PREX1: variants seen among roughly 807,000 people sequenced by gnomAD.
PREX1 encodes the protein phosphatidylinositol-3,4,5-trisphosphate dependent Rac exchange factor 1.
PREX1 carries 41 observed loss-of-function variants against 198.3 expected under a neutral mutation model. That is an observed-to-expected ratio of 0.21 (90% CI 0.16 to 0.27). The LOEUF is 0.27. Among genes scored for constraint, PREX1 ranks in the 10% least tolerant of loss-of-function variants. The probability of loss-of-function intolerance (pLI) is 1.00; values close to 1 mark genes in which losing one functional copy is unlikely to be tolerated. For synonymous variants in PREX1, 843 were observed against 887.2 expected (o/e 0.95, Z 0.89); for missense variants, 1,620 against 2,200.7 (o/e 0.74, Z 5.28).
rs1331847943 is a variant in PREX1, at chr20:48,627,821, G to A, written c.4869+40C>T. ...TGGCTGCAAGCATGCCACGCCCTCA[G>A]CCCAGGGTGCTGGAGGACCCTGTGG... On this transcript the variant is annotated intron_variant, in intron 38 of 39. Coordinates refer to ENST00000371941, the MANE Select transcript of PREX1 (RefSeq NM_020820.4). 5 of 1,577,432 alleles carry A rather than the reference G, an allele frequency of 3.2e-6. No individual in the cohort carries two copies. In the East Asian group the frequency reaches 6.8e-5, roughly 21 times the overall value.
intron 7 of PREX1, among the ~76,000 whole-genome samples, chr20:48,700,464 T>C (rs992840606): frequency 6.6e-6 from 1 of 152,230 alleles, no homozygotes; most frequent in Non-Finnish European, 1.5e-5. Flanking sequence ...AATAATTACA[T>C]GTATAATTAT....
At chr20:48,763,518 T>C (rs1360807212) in intron 1 of PREX1, among the ~76,000 whole-genome samples, 1 of 152,218 alleles carries the variant, frequency 6.6e-6, no homozygotes, top group African/African-American at 2.4e-5. Context: ...GGCTGACACT[T>C]GACATCTGAA....
intron 1 of PREX1, among the ~76,000 whole-genome samples, chr20:48,795,324 C>T (rs1435705033): frequency 1.3e-5 from 2 of 152,116 alleles, no homozygotes; most frequent in Admixed American, 6.5e-5. Context: ...ATGACCTTGC[C>T]CACATACAGA....
chr20:48,695,738 T>C (rs1169642019), intron 7 of PREX1, among the ~76,000 whole-genome samples: 5 of 152,258 alleles, frequency 3.3e-5, no homozygotes, highest in Non-Finnish European at 5.9e-5. Context: ...TTGTCACTTT[T>C]TGTTGAACTG....
intron 5 of PREX1, among the ~76,000 whole-genome samples, chr20:48,714,215 T>TA (rs1363903943): frequency 6.6e-6 from 1 of 151,900 alleles, no homozygotes; most frequent in Non-Finnish European, 1.5e-5. Context: ...ACAAGCAACT[T>TA]AAAAAAAATA....
intron 29 of PREX1, among the ~76,000 whole-genome samples, chr20:48,641,253 T>C (rs1601035647): frequency 6.6e-6 from 1 of 152,204 alleles, no homozygotes; most frequent in Non-Finnish European, 1.5e-5. Context: ...CTCTCTTAAA[T>C]GAAGAACAAA....
At chr20:48,850,866 G>A in the PREX1 span, among the ~76,000 whole-genome samples, 1 of 152,114 alleles carries the variant, frequency 6.6e-6, no homozygotes, top group African/African-American at 2.4e-5. Flanking sequence ...TCTAAATTAG[G>A]GGTTGACAAA....
At chr20:48,676,356 A>C in intron 13 of PREX1, 88 bp from the exon 14 acceptor site, 5 of 1,256,438 alleles carry the variant, frequency 4.0e-6, no homozygotes, top group South Asian at 2.4e-5. Flanking sequence ...GGACGTGCCC[A>C]CGAGTCAAGG....
chr20:48,638,332 C>T (rs6019338), intron 30 of PREX1, among the ~76,000 whole-genome samples: 2,051 of 152,246 alleles, frequency 0.013, 51 homozygotes, highest in African/African-American at 0.047. Flanking sequence ...AACAGACACA[C>T]GAGTGCACAC....
chr20:48,723,614 C>T (rs565719699), intron 5 of PREX1, among the ~76,000 whole-genome samples: 139 of 152,312 alleles, frequency 9.1e-4, no homozygotes, highest in African/African-American at 2.6e-3. Flanking sequence ...CCCGACGGAG[C>T]GCAAGTGGGC....
chr20:48,743,773 T>C lies in PREX1; in HGVS notation c.414+1252A>G, dbSNP rs2090093447. 2.0e-5 allele frequency among the ~76,000 whole-genome samples: 3 copies of C among 152,196 alleles called. No homozygotes were observed. The South Asian group carries it at 6.2e-4, about 32-fold the overall frequency. ...AGTCAACTTGCTGAGAGGACCACAG[T>C]TCATGAGTGGCTCAGCAGCCTGGCC... On this transcript the variant is annotated intron_variant, in intron 3 of 39. Transcript: ENST00000371941.
chr20:48,657,463 C>A (rs1023890444), intron 17 of PREX1, among the ~76,000 whole-genome samples: 6 of 152,206 alleles, frequency 3.9e-5, no homozygotes, highest in Non-Finnish European at 8.8e-5. Context: ...TGTGTGGGGA[C>A]ACGAGGGTCA....
chr20:48,652,966 C>T (rs1459803576), intron 20 of PREX1, among the ~76,000 whole-genome samples: 1 of 152,116 alleles, frequency 6.6e-6, no homozygotes, highest in African/African-American at 2.4e-5. Context: ...AGCAGGTGCC[C>T]AACACACACA....
chr20:48,670,129 G>A (rs183462033), intron 14 of PREX1, among the ~76,000 whole-genome samples: 87 of 152,324 alleles, frequency 5.7e-4, no homozygotes, highest in African/African-American at 2.1e-3. Flanking sequence ...ACTGCTCAGA[G>A]CTGGACACCC....
chr20:48,649,167 C>T (rs1601042921), intron 25 of PREX1, 133 bp downstream of exon 25: 2 of 1,295,908 alleles, frequency 1.5e-6, no homozygotes, highest in Non-Finnish European at 1.0e-6. Flanking sequence ...GAAAAAGATA[C>T]TGCTAAATAG....
At chr20:48,673,235 T>C (rs2089687976) in intron 14 of PREX1, among the ~76,000 whole-genome samples, 1 of 152,118 alleles carries the variant, frequency 6.6e-6, no homozygotes, top group Admixed American at 6.5e-5. Flanking sequence ...AAGGAGAAAG[T>C]CATTTTCCCC....
At chr20:48,626,452 A>G (rs1201811906) in intron 39 of PREX1, among the ~76,000 whole-genome samples, 1 of 152,248 alleles carries the variant, frequency 6.6e-6, no homozygotes, top group Non-Finnish European at 1.5e-5. Flanking sequence ...TAGCTGTGTG[A>G]CATTGGACAA....
At chr20:48,629,757 G>A (rs1452081172) in intron 36 of PREX1, 136 bp from the exon 37 acceptor site, 3 of 929,020 alleles carry the variant, frequency 3.2e-6, no homozygotes, top group Admixed American at 4.9e-5. Flanking sequence ...CACCCCTCTG[G>A]GGATAACAAT....
At chr20:48,843,948 C>G in the PREX1 span, among the ~76,000 whole-genome samples, 4 of 152,028 alleles carry the variant, frequency 2.6e-5, no homozygotes, top group Non-Finnish European at 5.9e-5. Flanking sequence ...AGTTCAAGAC[C>G]AGCCTGGGCA....
Sources: gnomAD v4.1 joint callset for allele counts (sites outside exome capture counted in the v4.1 genomes callset) on GRCh38, gnomAD v4.1.1 for gene constraint, MANE v1.5 for transcripts, NCBI Gene and HGNC (gene_info 2026-07-23, HGNC 2026-07-21) for gene names.